LIN28B: variants seen among roughly 807,000 people sequenced by gnomAD.
LIN28B encodes lin-28 RNA binding posttranscriptional regulator B, also known as protein lin-28 homolog B.
In LIN28B, 5 loss-of-function variants were observed where a neutral mutation model predicts 21.9. The observed-to-expected ratio is 0.23, with a 90% CI of 0.12 to 0.48. The LOEUF (loss-of-function observed/expected upper bound fraction) is 0.48. LIN28B is among the 20% of genes least tolerant of loss of function. The pLI is 0.98. For synonymous variants in LIN28B, 109 were observed against 111.3 expected (o/e 0.98, Z 0.13); for missense variants, 245 against 310.5 (o/e 0.79, Z 1.58).
At chr6:105,000,902 G>A (rs535508231) in intron 2 of LIN28B, among the ~76,000 whole-genome samples, 1 of 152,062 alleles carries the variant, frequency 6.6e-6, no homozygotes, top group East Asian at 1.9e-4. Context: ...TGTATTCCGA[G>A]TTTCACCTCG....
chr6:105,002,593 G>C (rs1770740717), intron 2 of LIN28B, among the ~76,000 whole-genome samples: 1 of 152,172 alleles, frequency 6.6e-6, no homozygotes, highest in Admixed American at 6.6e-5. Flanking sequence ...CTAGTTAGTA[G>C]CTACCGTCTT....
chr6:104,998,971 C>T (rs1232081850), intron 2 of LIN28B, among the ~76,000 whole-genome samples: 1 of 151,828 alleles, frequency 6.6e-6, no homozygotes, highest in African/African-American at 2.4e-5. Flanking sequence ...TTATAATGTA[C>T]AGACAAAAGA....
intron 2 of LIN28B, among the ~76,000 whole-genome samples, chr6:104,996,196 G>A (rs1770597614): frequency 6.6e-6 from 1 of 152,178 alleles, no homozygotes; most frequent in Admixed American, 6.5e-5. Context: ...GATGCCATCA[G>A]AAAGCAGGAG....
intron 3 of LIN28B, among the ~76,000 whole-genome samples, chr6:105,069,009 G>A (rs1772276429): frequency 6.6e-6 from 1 of 152,152 alleles, no homozygotes. Flanking sequence ...TTGAGGCCAG[G>A]AGTTTGAGAC....
chr6:104,966,416 C>T (rs1340818108), intron 2 of LIN28B, among the ~76,000 whole-genome samples: 1 of 151,734 alleles, frequency 6.6e-6, no homozygotes, highest in Non-Finnish European at 1.5e-5. Context: ...ATCTTTTTTT[C>T]AAGAGCTATG....
At chr6:104,938,665 AAAAG>A (rs1778043265) in intron 2 of LIN28B, among the ~76,000 whole-genome samples, 3 of 151,932 alleles carry the variant, frequency 2.0e-5, no homozygotes. Context: ...CCTGAAAAGA[AAAAG>A]AAATTGCCAA....
rs1772278760 is a variant in LIN28B at position 105,069,152 on chromosome 6, A to C, written c.384-9262A>C. 2.0e-5 allele frequency among the ~76,000 whole-genome samples: 3 copies of C among 152,186 alleles called. 1 individual carries two copies. The highest frequency in any genetic ancestry group is 2.1e-4 in the South Asian group (1 of 4,828). On this transcript the variant is annotated intron_variant, in intron 3 of 3. Transcript: ENST00000345080. ...AGAATCATTTGAACCTGGGAGGTGG[A>C]GGTTGCAGTGAGCCAAGATTGTGCC...
intron 2 of LIN28B, among the ~76,000 whole-genome samples, chr6:105,020,325 G>A (rs1771112296): frequency 1.3e-5 from 2 of 150,352 alleles, no homozygotes; most frequent in South Asian, 4.2e-4. Context: ...TTGGGAAGAG[G>A]AAAGCAAATA....
At chr6:105,032,122 G>A (rs1771438075) in intron 3 of LIN28B, among the ~76,000 whole-genome samples, 1 of 151,880 alleles carries the variant, frequency 6.6e-6, no homozygotes, top group Non-Finnish European at 1.5e-5. Flanking sequence ...TCACTTTTTT[G>A]CTGAATAGTA....
At chr6:105,032,449 G>A (rs959347694) in intron 3 of LIN28B, among the ~76,000 whole-genome samples, 2 of 152,118 alleles carry the variant, frequency 1.3e-5, no homozygotes, top group African/African-American at 2.4e-5. Flanking sequence ...TTTTGGCCCC[G>A]TGTGGTGGCT....
At chr6:104,999,081 T>C (rs1280112976) in intron 2 of LIN28B, among the ~76,000 whole-genome samples, 1 of 152,224 alleles carries the variant, frequency 6.6e-6, no homozygotes, top group Non-Finnish European at 1.5e-5. Flanking sequence ...TTCATGAAGA[T>C]ATAAATATAG....
At chr6:105,029,356 C>A (rs1164887064) in intron 3 of LIN28B, among the ~76,000 whole-genome samples, 2 of 152,106 alleles carry the variant, frequency 1.3e-5, no homozygotes, top group East Asian at 3.9e-4. Context: ...GAGTGATTTC[C>A]TTGAGTGGGT....
intron 3 of LIN28B, among the ~76,000 whole-genome samples, chr6:105,070,847 C>T (rs1450203647): frequency 6.6e-6 from 1 of 152,124 alleles, no homozygotes; most frequent in African/African-American, 2.4e-5. Context: ...TGTCAATTCA[C>T]TGTCTTCCCT....
At chr6:105,064,474 C>G (rs1011280806) in intron 3 of LIN28B, among the ~76,000 whole-genome samples, 4 of 152,080 alleles carry the variant, frequency 2.6e-5, no homozygotes, top group African/African-American at 9.7e-5. Context: ...AAATAACCCT[C>G]TTAGAATCAG....
intron 2 of LIN28B, among the ~76,000 whole-genome samples, chr6:104,950,074 T>C (rs1386970252): frequency 2.6e-5 from 4 of 152,172 alleles, no homozygotes; most frequent in Non-Finnish European, 1.5e-5. Context: ...AGAAGTTAGT[T>C]CTTCAAGAAA....
chr6:104,952,182 G>T (rs1045279714), upstream of LIN28B, among the ~76,000 whole-genome samples: 2 of 152,166 alleles, frequency 1.3e-5, no homozygotes, highest in African/African-American at 4.8e-5. Flanking sequence ...GAGGAAGAAA[G>T]AATAGTATAT....
intron 2 of LIN28B, among the ~76,000 whole-genome samples, chr6:104,985,246 G>A (rs781517902): frequency 3.3e-5 from 5 of 152,204 alleles, no homozygotes; most frequent in Admixed American, 6.5e-5. Flanking sequence ...AGCTTTATGT[G>A]ACACAGAAGC....
In LIN28B at chr6:104,958,226, C is replaced by T. The variant is rs769911779; in HGVS notation, c.138C>T (p.Ile46=). The T allele has an allele frequency of 1.1e-5, 17 of 1,596,638 alleles. No homozygotes were observed. The highest frequency in any genetic ancestry group is 1.3e-5 in the African/African-American group (1 of 74,854). The change falls in exon 2 of 4, where the codon ATC becomes ATT. Residue 46 remains isoleucine, a synonymous_variant. Coordinates refer to ENST00000345080, the MANE Select transcript of LIN28B (RefSeq NM_001004317.4). Reference sequence around the variant, plus strand: ...ATGTGCGCATGGGATTTGGATTCATCTCCATGATAAACCGAGAGGGAAGCC... The same window carrying T: ...ATGTGCGCATGGGATTTGGATTCATTTCCATGATAAACCGAGAGGGAAGCC... The part of the protein sequence containing the change: ...WFNVRMGFGF[I]SMINREGSPL...
chr6:105,053,254 G>GGTTC (rs1370309516), intron 3 of LIN28B, among the ~76,000 whole-genome samples: 1 of 152,028 alleles, frequency 6.6e-6, no homozygotes, highest in African/African-American at 2.4e-5. Flanking sequence ...TCCCAAGATA[G>GGTTC]GTTCTATCCT....
Sources: gnomAD v4.1 joint callset for allele counts (sites outside exome capture counted in the v4.1 genomes callset) on GRCh38, gnomAD v4.1.1 for gene constraint, MANE v1.5 for transcripts, NCBI Gene and HGNC (gene_info 2026-07-23, HGNC 2026-07-21) for gene names.